Variants in ASMTL observed in about 807,000 individuals in gnomAD.
ASMTL encodes probable bifunctional dTTP/UTP pyrophosphatase/methyltransferase protein.
A neutral mutation model predicts 60.3 loss-of-function variants in ASMTL; 57 were observed. That is an observed-to-expected ratio of 0.95 (90% CI 0.76 to 1.18). The LOEUF is 1.18. Ranked by LOEUF, ASMTL falls within the 50% of genes most tolerant of loss-of-function variation. ASMTL has a pLI of 0.00. For synonymous variants in ASMTL, 419 were observed against 373.0 expected (o/e 1.12, Z -1.42); for missense variants, 981 against 852.6 (o/e 1.15, Z -1.88).
In ASMTL at chrX:1,432,249, C is replaced by G. The variant is rs1228797862; in HGVS notation, c.509+20G>C. ...GCTTCCACACGTGTCCCCCGTCCCC[C>G]CACCGCCCCCGAGACTCACATGGGC... On this transcript the variant is annotated intron_variant, in intron 6 of 12. Coordinates refer to ENST00000381317, the MANE Select transcript of ASMTL (RefSeq NM_004192.4). 6.3e-7 allele frequency: 1 copy of G among 1,589,662 alleles called. No individual in the cohort carries two copies. The highest frequency in any genetic ancestry group is 8.6e-7 in the Non-Finnish European group (1 of 1,161,992).
chrX:1,416,362 C>T (rs2090261748), intron 11 of ASMTL, among the ~76,000 whole-genome samples: 1 of 128,100 alleles, frequency 7.8e-6, no homozygotes, highest in Admixed American at 8.3e-5. Flanking sequence ...CAGGCACACA[C>T]AGACGCAGAC....
At chrX:1,420,122 CCTCT>C (rs780834510) in intron 9 of ASMTL, among the ~76,000 whole-genome samples, 209 of 151,824 alleles carry the variant, frequency 1.4e-3, no homozygotes, top group African/African-American at 4.7e-3. Context: ...CTCCCATCTC[CCTCT>C]ATGTGTCTGT....
At chrX:1,440,292 G>T (rs1159346824) in intron 2 of ASMTL, among the ~76,000 whole-genome samples, 1 of 151,910 alleles carries the variant, frequency 6.6e-6, no homozygotes, top group Non-Finnish European at 1.5e-5. Context: ...GGGTTTCACC[G>T]TGTGAGCCAG....
At chrX:1,411,622 CA>C (rs1398751786) in intron 12 of ASMTL, among the ~76,000 whole-genome samples, 2 of 26,550 alleles carry the variant, frequency 7.5e-5, no homozygotes, top group Non-Finnish European at 1.6e-4. Context: ...AGATTAGATC[CA>C]GCTGCAGAGT....
chrX:1,450,075 TGC>T (rs2091325050), intron 1 of ASMTL, among the ~76,000 whole-genome samples: 1 of 148,634 alleles, frequency 6.7e-6, no homozygotes, highest in Admixed American at 6.7e-5. Flanking sequence ...CCAGTAACTA[TGC>T]CCCCATCACC....
At chrX:1,427,638 C>G in intron 7 of ASMTL, 96 bp downstream of exon 7, 2 of 1,364,158 alleles carry the variant, frequency 1.5e-6, no homozygotes, top group Non-Finnish European at 2.0e-6. Context: ...CTCAGACTGC[C>G]AGCCTCCAGG....
chrX:1,407,354 G>A (rs1420815557), intron 12 of ASMTL, among the ~76,000 whole-genome samples: 4 of 151,324 alleles, frequency 2.6e-5, no homozygotes, highest in African/African-American at 7.3e-5. Context: ...ATGGATGGGT[G>A]TATTGATGGT....
At chrX:1,404,175 G>T (rs1364658804) in intron 12 of ASMTL, among the ~76,000 whole-genome samples, 1 of 150,910 alleles carries the variant, frequency 6.6e-6, no homozygotes, top group African/African-American at 2.5e-5. Flanking sequence ...TAGGTAGATG[G>T]ATGGATAGAT....
At chrX:1,411,627 G>A (rs2090025044) in intron 12 of ASMTL, among the ~76,000 whole-genome samples, 2 of 152,136 alleles carry the variant, frequency 1.3e-5, no homozygotes, top group South Asian at 4.2e-4. Context: ...AGATCCAGCT[G>A]CAGAGTCCAC....
At chrX:1,437,929 T>C (rs2091013866) in intron 3 of ASMTL, among the ~76,000 whole-genome samples, 1 of 147,310 alleles carries the variant, frequency 6.8e-6, no homozygotes, top group Non-Finnish European at 1.5e-5. Context: ...GGTCTTTGCC[T>C]AGGTAATTAA....
intron 1 of ASMTL, among the ~76,000 whole-genome samples, chrX:1,444,103 G>A (rs770639658): frequency 5.3e-5 from 8 of 152,066 alleles, no homozygotes; most frequent in East Asian, 1.9e-4. Flanking sequence ...CCTCCCCTCC[G>A]ACCAGAGACA....
intron 11 of ASMTL, among the ~76,000 whole-genome samples, chrX:1,417,662 T>TACTCTC (rs1459537395): frequency 6.8e-6 from 1 of 146,426 alleles, no homozygotes; most frequent in Non-Finnish European, 1.5e-5. Context: ...CACACACACA[T>TACTCTC]ACTCTCACAG....
chrX:1,412,967 G>A (rs752079063), intron 11 of ASMTL, 113 bp from the exon 12 acceptor site: 8 of 1,194,066 alleles, frequency 6.7e-6, no homozygotes, highest in South Asian at 1.3e-5. Flanking sequence ...GAAGAGAGGG[G>A]TGTGGGCGGG....
intron 3 of ASMTL, among the ~76,000 whole-genome samples, chrX:1,436,593 C>G (rs2090972582): frequency 6.6e-6 from 1 of 152,158 alleles, no homozygotes; most frequent in Non-Finnish European, 1.5e-5. Context: ...ACCTTGTGAT[C>G]CACCCGCCTC....
chrX:1,426,773 G>C (rs1238330441), intron 7 of ASMTL, among the ~76,000 whole-genome samples: 1 of 152,090 alleles, frequency 6.6e-6, no homozygotes, highest in Non-Finnish European at 1.5e-5. Flanking sequence ...ATCTCCTCTT[G>C]AGATTCTTAA....
chrX:1,444,277 C>T (rs1409605896), intron 1 of ASMTL, among the ~76,000 whole-genome samples: 11 of 150,716 alleles, frequency 7.3e-5, no homozygotes, highest in South Asian at 2.1e-4. Flanking sequence ...GATGCCATCT[C>T]GGCTCACTGC....
rs187768515 is a variant in ASMTL, at chrX:1,403,964, C to T, written c.1646-475G>A. 6.0e-3 allele frequency among the ~76,000 whole-genome samples: 722 copies of T among 119,696 alleles called. 5 individuals are homozygous for T. Among genetic ancestry groups the T allele is most frequent in the African/African-American group, 0.022 (671 of 31,044 alleles). The allele number at this position is 119,696 out of a possible 152,430, so 78.5% of individuals were successfully genotyped here. A position where few individuals can be genotyped will look rare whatever the true frequency, so the allele number is the denominator to read the frequency against. ...GTAGGTAGGTAGATGAGTGGATGGA[C>T]AGATGGATGCATGGATGTGATGGAT... On this transcript the variant is annotated intron_variant, in intron 12 of 12. Transcript: ENST00000381317.
intron 11 of ASMTL, among the ~76,000 whole-genome samples, chrX:1,415,809 CAG>C (rs2090223706): frequency 6.6e-6 from 1 of 152,202 alleles, no homozygotes; most frequent in African/African-American, 2.4e-5. Flanking sequence ...TGTGGACCCG[CAG>C]AGAGACACGC....
Position 1,414,711 on chromosome X carries a change from A to G in ASMTL, c.1523-1857T>C, listed in dbSNP as rs749822776. Among the ~76,000 whole-genome samples, 12 of 152,164 alleles carry G rather than the reference A, an allele frequency of 7.9e-5. No individual in the cohort carries two copies. The South Asian group carries it at 1.5e-3, about 19-fold the overall frequency. Reference sequence around the variant, plus strand: ...TGACAGAGCGAGACACCATTCAAACATAAATAAATTTCAGCATTTCTGTCT... The same window carrying G: ...TGACAGAGCGAGACACCATTCAAACGTAAATAAATTTCAGCATTTCTGTCT... On this transcript the variant is annotated intron_variant, in intron 11 of 12. Transcript: ENST00000381317.
Sources: gnomAD v4.1 joint callset for allele counts (sites outside exome capture counted in the v4.1 genomes callset) on GRCh38, gnomAD v4.1.1 for gene constraint, MANE v1.5 for transcripts, NCBI Gene and HGNC (gene_info 2026-07-23, HGNC 2026-07-21) for gene names.